Variants in RPP30 observed in about 807,000 individuals in gnomAD.
RPP30 encodes ribonuclease P/MRP subunit p30.
In RPP30, 36 loss-of-function variants were observed where a neutral mutation model predicts 38.6. The ratio of observed to expected loss-of-function variants is 0.93; its 90% confidence interval spans 0.71 to 1.23. RPP30 has a LOEUF of 1.23. Among genes scored for constraint, RPP30 ranks in the 50% most tolerant of loss-of-function variants. The pLI, the probability that RPP30 is intolerant of heterozygous loss-of-function variation, is 0.00. For missense variants in RPP30, 321 were observed against 321.7 expected, an observed-to-expected ratio of 1.00 and a Z score of 0.02; for synonymous variants, 126 against 112.7, an observed-to-expected ratio of 1.12 and a Z score of -0.75.
intron 6 of RPP30, among the ~76,000 whole-genome samples, chr10:90,886,722 G>GA (rs1435542378): frequency 1.3e-5 from 2 of 151,658 alleles, no homozygotes; most frequent in East Asian, 1.9e-4. Flanking sequence ...TATCCAAGGA[G>GA]AAAAAAAAGA....
intron 5 of RPP30, among the ~76,000 whole-genome samples, chr10:90,884,288 T>C (rs1190905251): frequency 6.6e-6 from 1 of 152,190 alleles, no homozygotes. Context: ...TACCTATAAG[T>C]AGAATTGTTG....
chr10:90,895,561 A>G, intron 8 of RPP30, 78 bp downstream of exon 8: 2 of 816,750 alleles, frequency 2.4e-6, no homozygotes, highest in Admixed American at 3.0e-5. Flanking sequence ...AAATTAAAAT[A>G]GTAAATGAAT....
At chr10:90,894,623 A>AT in intron 6 of RPP30, 152 bp from the exon 7 acceptor site, 1 of 649,764 alleles carries the variant, frequency 1.5e-6, no homozygotes, top group Non-Finnish European at 2.8e-6. Context: ...GGGTGGTGCC[A>AT]TTTGAGTGTT....
At chr10:90,875,717 A>G in intron 3 of RPP30, 103 bp downstream of exon 3, 1 of 957,306 alleles carries the variant, frequency 1.0e-6, no homozygotes, top group Non-Finnish European at 1.7e-6. Context: ...TACTCTGAGT[A>G]CCAGTCTTAA....
intron 5 of RPP30, 124 bp downstream of exon 5, chr10:90,879,258 G>C: frequency 1.4e-6 from 1 of 708,396 alleles, no homozygotes; most frequent in East Asian, 2.7e-5. Context: ...ATTTATACTT[G>C]GAGTTTCTAG....
chr10:90,902,775 C>A (rs1366473299), downstream of RPP30, among the ~76,000 whole-genome samples: 1 of 152,114 alleles, frequency 6.6e-6, no homozygotes, highest in African/African-American at 2.4e-5. Flanking sequence ...TTTTTGACTA[C>A]CGCTTGGCCA....
chr10:90,881,606 C>T (rs752768543), intron 5 of RPP30, among the ~76,000 whole-genome samples: 1 of 152,150 alleles, frequency 6.6e-6, no homozygotes, highest in Non-Finnish European at 1.5e-5. Context: ...TTACCCATTC[C>T]TTAAGATTAA....
At chr10:90,903,105 G>A, downstream of RPP30, 2 of 744,246 alleles carry the variant, frequency 2.7e-6, no homozygotes. Flanking sequence ...AATTAGATAT[G>A]AGAAGGATAA....
At position 90,894,839 on chromosome 10, in the gene RPP30, G is replaced by A. The variant is rs374236929; in HGVS notation, c.497G>A (p.Arg166Lys). ...CCTGCTATCAAAGACTCCACAATGA[G>A]AAGGTATACAATTTCCAGTGCCCTC... is the stretch of plus-strand genomic sequence containing the variant. ...YSPAIKDSTM[R>K]RYTISSALNL... The change falls in exon 7 of 11, where the codon AGA (arginine) becomes AAA (lysine). Residue 166 changes from arginine to lysine, a missense_variant. Physicochemically the swap from Arg to Lys is conservative, Grantham distance 26. Transcript: ENST00000371703. 12 of 1,613,418 alleles carry A rather than the reference G, an allele frequency of 7.4e-6. No individual in the cohort carries two copies. In the African/African-American group the frequency reaches 1.5e-4, roughly 20 times the overall value.
intron 5 of RPP30, among the ~76,000 whole-genome samples, chr10:90,880,388 T>C (rs1437977785): frequency 6.6e-6 from 1 of 152,124 alleles, no homozygotes; most frequent in Non-Finnish European, 1.5e-5. Context: ...CACAAATTAT[T>C]TATGAGTGCC....
At chr10:90,897,289 A>G (rs574113356) in intron 10 of RPP30, among the ~76,000 whole-genome samples, 21 of 152,360 alleles carry the variant, frequency 1.4e-4, no homozygotes, top group African/African-American at 5.0e-4. Flanking sequence ...GTGAATTTTA[A>G]ACTTCAAAGT....
chr10:90,899,635 A>C (rs1847179278), intron 10 of RPP30, among the ~76,000 whole-genome samples: 1 of 152,140 alleles, frequency 6.6e-6, no homozygotes, highest in African/African-American at 2.4e-5. Flanking sequence ...ATTGTCCCCT[A>C]AACTATTTTA....
chr10:90,901,804 G>C lies in RPP30; in HGVS notation c.*1125G>C. The C allele has an allele frequency of 1.0e-6, 1 of 981,606 alleles. No homozygotes were observed. Among genetic ancestry groups the C allele is most frequent in the Non-Finnish European group, 1.2e-6 (1 of 828,852 alleles). The allele number at this position is 981,606 out of a possible 1,614,324, so 60.8% of individuals were successfully genotyped here. A position where few individuals can be genotyped will look rare whatever the true frequency, so the allele number is the denominator to read the frequency against. On this transcript the variant is annotated 3_prime_UTR_variant, in exon 11 of 11. Coordinates refer to ENST00000371703, the MANE Select transcript of RPP30 (RefSeq NM_006413.5). ...AGCAAGAGAAAGACAACTGTTCTGC[G>C]GGTTGGAGAAAATACAATTTTTTTT...
Position 90,894,891 on chromosome 10 carries a change from G to A in RPP30, c.549G>A (p.Lys183=). ...ATTTGATGCAAATCTGCAAAGGAAA[G>A]GTATGGTTCTATAATTTTAGGATGT... ...ALNLMQICKG[K]NVIISSAAER... is the part of the protein sequence containing the mutation. Residue 183 remains lysine (K), a splice_region_variant and synonymous_variant, in exon 7 of 11, where the codon AAG becomes AAA. Transcript: ENST00000371703. 1 of 1,583,060 alleles carries A rather than the reference G, an allele frequency of 6.3e-7. No individual in the cohort carries two copies. The highest frequency in any genetic ancestry group is 8.7e-7 in the Non-Finnish European group (1 of 1,152,030).
chr10:90,887,844 T>C (rs1847021237), intron 6 of RPP30, among the ~76,000 whole-genome samples: 1 of 152,222 alleles, frequency 6.6e-6, no homozygotes, highest in Admixed American at 6.5e-5. Context: ...TGTGCAACAG[T>C]TCATTTGTCA....
rs1847191294 is a variant in RPP30 at position 90,900,785 on chromosome 10, A to G, written c.*106A>G. ...TGATTTACTGTTTTCATTTGGAGCTAGAAATCAATAGTCTATAAAAACAGT... is the reference window on the plus strand; with the variant it reads ...TGATTTACTGTTTTCATTTGGAGCTGGAAATCAATAGTCTATAAAAACAGT... On this transcript the variant is annotated 3_prime_UTR_variant, in exon 11 of 11. Transcript: ENST00000371703. The G allele has an allele frequency of 6.9e-7, 1 of 1,448,094 alleles. No homozygotes were observed. The highest frequency in any genetic ancestry group is 1.4e-5 in the African/African-American group (1 of 70,216). The allele number at this position is 1,448,094 out of a possible 1,614,324, so 89.7% of individuals were successfully genotyped here.
intron 5 of RPP30, among the ~76,000 whole-genome samples, chr10:90,882,259 A>G (rs1367684046): frequency 6.6e-6 from 1 of 152,216 alleles, no homozygotes; most frequent in African/African-American, 2.4e-5. Context: ...TATCAGTTTA[A>G]AAAATTTTTG....
chr10:90,904,739 G>A (rs1227345929), downstream of RPP30, among the ~76,000 whole-genome samples: 1 of 152,154 alleles, frequency 6.6e-6, no homozygotes, highest in East Asian at 1.9e-4. Context: ...TTGAACCCGG[G>A]AGGTAGAGGT....
At chr10:90,874,657 A>G (rs575483747) in intron 1 of RPP30, among the ~76,000 whole-genome samples, 1 of 152,214 alleles carries the variant, frequency 6.6e-6, no homozygotes, top group Non-Finnish European at 1.5e-5. Flanking sequence ...TATTTTCACC[A>G]TTTGACAGAT....
Sources: allele counts gnomAD v4.1 joint callset (sites outside exome capture counted in the v4.1 genomes callset), GRCh38; gene constraint gnomAD v4.1.1; transcripts MANE v1.5; gene names NCBI Gene and HGNC (gene_info 2026-07-23, HGNC 2026-07-21).